Variants in UGT2B11 observed in about 807,000 individuals in gnomAD.
UGT2B11 encodes UDP glucuronosyltransferase family 2 member B11, also known as UDP-glucuronosyltransferase 2B11.
UGT2B11 carries 49 observed loss-of-function variants against 51.7 expected under a neutral mutation model. The ratio of observed to expected loss-of-function variants is 0.95; its 90% CI spans 0.75 to 1.20. UGT2B11 has a LOEUF of 1.20. UGT2B11 is among the 50% of genes most tolerant of loss of function. The probability of loss-of-function intolerance (pLI) is 0.00; values close to 1 mark genes in which losing one functional copy is unlikely to be tolerated. For missense variants in UGT2B11, 810 were observed against 622.1 expected (o/e 1.30, Z -3.21); for synonymous variants, 273 against 209.0 (o/e 1.31, Z -2.64).
rs1162458804 is a variant in UGT2B11 at position 69,212,556 on chromosome 4, A to T, written c.870+17T>A. ...ACTTCGAAGCCAACAAAATAAAACC[A>T]ACAAAAGTATGTTTACCTTAGGTAG... On this transcript the variant is annotated intron_variant, in intron 2 of 5. Transcript: ENST00000446444. 12 of 1,598,300 alleles carry T rather than the reference A, an allele frequency of 7.5e-6. No individual in the cohort carries two copies. The highest frequency in any genetic ancestry group is 1.0e-5 in the Non-Finnish European group (12 of 1,174,292).
rs781271372 is a variant in UGT2B11 at position 69,204,514 on chromosome 4, T to G, written c.1226A>C (p.Lys409Thr). Residue 409 changes from lysine (K) to threonine (T), a missense_variant, in exon 5 of 6, where the codon AAG becomes ACG. Lys to Thr is a moderately conservative substitution (Grantham distance 78). Transcript: ENST00000446444. ...GAAGTCCAATCTAACAGCTGCTCCC[T>G]TGGCCTTCATGTGAGCAATGTTATC... is the stretch of plus-strand genomic sequence containing the variant. ...QPDNIAHMKAKGAAVRLDFNT... is the reference protein window; with the variant it reads ...QPDNIAHMKATGAAVRLDFNT... 3 of 1,612,316 alleles carry G rather than the reference T, an allele frequency of 1.9e-6. No individual in the cohort carries two copies. Among genetic ancestry groups the G allele is most frequent in the South Asian group, 1.1e-5 (1 of 91,054 alleles).
chr4:69,206,038 A>G (rs1457857413), intron 3 of UGT2B11, among the ~76,000 whole-genome samples: 1 of 151,760 alleles, frequency 6.6e-6, no homozygotes, highest in East Asian at 2.0e-4. Context: ...AATGTAAGTT[A>G]GTTCAACCAT....
chr4:69,208,567 G>A, intron 2 of UGT2B11, 85 bp from the exon 3 acceptor site: 1 of 1,543,938 alleles, frequency 6.5e-7, no homozygotes, highest in Non-Finnish European at 8.7e-7. Context: ...ATTAAAGAGA[G>A]AAAATCAAGT....
At chr4:69,211,763 C>A (rs1372139509) in intron 2 of UGT2B11, among the ~76,000 whole-genome samples, 1 of 151,424 alleles carries the variant, frequency 6.6e-6, no homozygotes, top group East Asian at 1.9e-4. Flanking sequence ...CAGTGTGGCC[C>A]TTCTGTAATT....
chr4:69,203,665 A>T (rs1047568042), intron 5 of UGT2B11, among the ~76,000 whole-genome samples: 1 of 151,808 alleles, frequency 6.6e-6, no homozygotes, highest in African/African-American at 2.4e-5. Context: ...GAAATGAAGT[A>T]TTATAACACA....
chr4:69,214,773 T>A, upstream of UGT2B11: 1 of 1,572,516 alleles, frequency 6.4e-7, no homozygotes, highest in South Asian at 1.2e-5. Flanking sequence ...TTCTCATACT[T>A]ATATACAGAG....
At chr4:69,220,685 A>G in the UGT2B11 span, among the ~76,000 whole-genome samples, 1 of 151,452 alleles carries the variant, frequency 6.6e-6, no homozygotes, top group Non-Finnish European at 1.5e-5. Flanking sequence ...GGTTAAACAT[A>G]TTTCAGGGAC....
chr4:69,209,283 G>A (rs1721970789), intron 2 of UGT2B11, among the ~76,000 whole-genome samples: 3 of 151,632 alleles, frequency 2.0e-5, no homozygotes, highest in African/African-American at 4.8e-5. Context: ...TTAAATTGAT[G>A]TGCTATTTCT....
upstream of UGT2B11, among the ~76,000 whole-genome samples, chr4:69,217,374 A>G (rs114854506): frequency 2.2e-3 from 333 of 152,288 alleles, no homozygotes; most frequent in Middle Eastern, 0.017. Flanking sequence ...CTTTCTCAAA[A>G]GGATGTTGGA....
chr4:69,208,371 G>A lies in UGT2B11; in HGVS notation c.982C>T (p.Leu328Phe), dbSNP rs1158117104. The A allele has an allele frequency of 9.9e-6, 16 of 1,610,998 alleles. No individual in the cohort carries two copies. The East Asian group carries it at 3.6e-4, about 36-fold the overall frequency. Residue 328 changes from leucine to phenylalanine, a missense_variant, in exon 3 of 6, where the codon CTT (leucine) becomes TTT (phenylalanine). By Grantham distance (22) the Leu-to-Phe change is conservative. Coordinates refer to ENST00000446444, the MANE Select transcript of UGT2B11 (RefSeq NM_001073.3). ...CTTACCTTTTGTGGGATCTTGGCAA[G>A]GGCTGTTGCAATTACATTGGCCCTT... ...AERANVIATA[L>F]AKIPQKVLWR...
At chr4:69,224,420 A>T in the UGT2B11 span, among the ~76,000 whole-genome samples, 4 of 152,050 alleles carry the variant, frequency 2.6e-5, no homozygotes, top group African/African-American at 9.7e-5. Flanking sequence ...ACTTACCAAC[A>T]TTCCCAGACC....
chr4:69,221,368 T>C, the UGT2B11 span, among the ~76,000 whole-genome samples: 1 of 152,208 alleles, frequency 6.6e-6, no homozygotes, highest in African/African-American at 2.4e-5. Flanking sequence ...GCTTCAGGCC[T>C]TTAGGGATAT....
chr4:69,211,145 T>C (rs1352377398), intron 2 of UGT2B11: 1 of 151,592 alleles, frequency 6.6e-6, no homozygotes, highest in African/African-American at 2.4e-5. Flanking sequence ...TCTGCTCTAA[T>C]AGGTATGTTT....
chr4:69,203,111 A>C (rs1362104667), intron 5 of UGT2B11, among the ~76,000 whole-genome samples: 1 of 151,718 alleles, frequency 6.6e-6, no homozygotes, highest in Admixed American at 6.6e-5. Context: ...AAAATATTTA[A>C]AAAGTATATA....
At chr4:69,207,877 G>A (rs1213030943) in intron 3 of UGT2B11, among the ~76,000 whole-genome samples, 1 of 151,604 alleles carries the variant, frequency 6.6e-6, no homozygotes, top group African/African-American at 2.4e-5. Flanking sequence ...AAACAGCTTT[G>A]AAGAAAATGA....
At chr4:69,204,187 A>G (rs891402522) in intron 5 of UGT2B11, 4 of 375,802 alleles carry the variant, frequency 1.1e-5, no homozygotes, top group African/African-American at 8.4e-5. Context: ...TATATTATCT[A>G]TATCATTTTA....
At chr4:69,220,430 G>A in the UGT2B11 span, among the ~76,000 whole-genome samples, 7,190 of 131,422 alleles carry the variant, frequency 0.055, 215 homozygotes, top group South Asian at 0.14. Flanking sequence ...TAGTGCTCTG[G>A]TGGTGACTCT....
Position 69,200,231 on chromosome 4 carries a change from T to C in UGT2B11, c.*209A>G, listed in dbSNP as rs1438537053. 16 of 639,520 alleles carry C rather than the reference T, an allele frequency of 2.5e-5. No homozygotes were observed. Among genetic ancestry groups the C allele is most frequent in the Non-Finnish European group, 3.3e-5 (15 of 450,756 alleles). 39.6% of individuals were successfully genotyped at this position (639,520 alleles called of 1,614,324 possible). On this transcript the variant is annotated 3_prime_UTR_variant, in exon 6 of 6. Transcript: ENST00000446444. ...TTTAATTTTCCTAGTATTTTCTTCA[T>C]TGCCACAAAATATTTCTAACCATTA...
At chr4:69,203,210 G>A (rs1721724042) in intron 5 of UGT2B11, among the ~76,000 whole-genome samples, 1 of 151,640 alleles carries the variant, frequency 6.6e-6, no homozygotes, top group Non-Finnish European at 1.5e-5. Flanking sequence ...CATTGGAATA[G>A]ACATGTTTTC....
Sources: gnomAD v4.1 joint callset for allele counts (sites outside exome capture counted in the v4.1 genomes callset) on GRCh38, gnomAD v4.1.1 for gene constraint, MANE v1.5 for transcripts, NCBI Gene and HGNC (gene_info 2026-07-23, HGNC 2026-07-21) for gene names.